Variants in ATRNL1 observed in about 807,000 individuals in gnomAD.
ATRNL1 encodes attractin-like protein 1.
ATRNL1 carries 95 observed loss-of-function variants against 182.7 expected under a neutral mutation model. The observed-to-expected ratio is 0.52, with a 90% CI of 0.44 to 0.62. ATRNL1 has a LOEUF of 0.62. Ranked by LOEUF, ATRNL1 falls within the 20% of genes least tolerant of loss-of-function variation. The pLI is 0.00. For missense variants in ATRNL1, 1,471 were observed against 1,679.5 expected (o/e 0.88, Z 2.17); for synonymous variants, 576 against 568.3 (o/e 1.01, Z -0.19).
chr10:115,776,468 T>A (rs1949128523), intron 27 of ATRNL1, among the ~76,000 whole-genome samples: 1 of 152,206 alleles, frequency 6.6e-6, no homozygotes, highest in South Asian at 2.1e-4. Flanking sequence ...AGGTGGGGTC[T>A]AGGTCTCTTC....
intron 27 of ATRNL1, among the ~76,000 whole-genome samples, chr10:115,801,605 T>C (rs1949794041): frequency 7.2e-6 from 1 of 138,276 alleles, no homozygotes; most frequent in Admixed American, 7.1e-5. Context: ...TTTGGGACTG[T>C]ATTGGTTGCA....
intron 19 of ATRNL1, among the ~76,000 whole-genome samples, chr10:115,376,862 G>T (rs1249716570): frequency 6.6e-6 from 1 of 152,056 alleles, no homozygotes; most frequent in African/African-American, 2.4e-5. Flanking sequence ...TTTTATGTTT[G>T]ATGGTGTCAC....
chr10:115,459,911 G>C (rs889884582), intron 21 of ATRNL1, among the ~76,000 whole-genome samples: 6 of 152,046 alleles, frequency 3.9e-5, no homozygotes. Flanking sequence ...GCCAGCCGAC[G>C]CTTAGGAAAA....
chr10:115,761,216 T>G (rs1948728281), intron 27 of ATRNL1, among the ~76,000 whole-genome samples: 1 of 152,216 alleles, frequency 6.6e-6, no homozygotes, highest in African/African-American at 2.4e-5. Flanking sequence ...TTATGTGAAG[T>G]GCTTGGAATT....
At chr10:115,257,730 T>C (rs1554907456) in intron 10 of ATRNL1, among the ~76,000 whole-genome samples, 1 of 152,238 alleles carries the variant, frequency 6.6e-6, no homozygotes, top group African/African-American at 2.4e-5. Context: ...TAGCATGTTT[T>C]TGCAATGGCT....
At chr10:115,394,780 T>G (rs781911353) in intron 20 of ATRNL1, 28 bp downstream of exon 20, 50 of 1,503,164 alleles carry the variant, frequency 3.3e-5, no homozygotes, top group Non-Finnish European at 4.3e-5. Context: ...TTTAGAACTT[T>G]CGTGGATTGA....
At chr10:115,581,331 T>G (rs144136961) in intron 26 of ATRNL1, among the ~76,000 whole-genome samples, 1 of 152,172 alleles carries the variant, frequency 6.6e-6, no homozygotes, top group African/African-American at 2.4e-5. Flanking sequence ...TTGAGATGCA[T>G]CTGGAAAATT....
chr10:115,248,305 A>G (rs1850730434), intron 10 of ATRNL1, among the ~76,000 whole-genome samples: 1 of 152,292 alleles, frequency 6.6e-6, no homozygotes, highest in African/African-American at 2.4e-5. Context: ...ATTATTTCTC[A>G]GTAAAAAATG....
At chr10:115,505,502 A>G in intron 24 of ATRNL1, among the ~76,000 whole-genome samples, 1 of 152,082 alleles carries the variant, frequency 6.6e-6, no homozygotes, top group South Asian at 2.1e-4. Flanking sequence ...ATAAAAAGCA[A>G]ACAAACAAAC....
intron 26 of ATRNL1, among the ~76,000 whole-genome samples, chr10:115,704,211 T>C (rs1483600636): frequency 6.6e-6 from 1 of 151,966 alleles, no homozygotes; most frequent in Non-Finnish European, 1.5e-5. Flanking sequence ...TGCCTCTTCC[T>C]AGCTTCTGGT....
At chr10:115,362,665 C>T (rs1372527333) in intron 19 of ATRNL1, among the ~76,000 whole-genome samples, 1 of 152,036 alleles carries the variant, frequency 6.6e-6, no homozygotes. Flanking sequence ...TGCTATCCCT[C>T]CCACCTCCTC....
rs368453317 is a variant in ATRNL1 at position 115,413,384 on chromosome 10, A to T, written c.3270-12866A>T. ...AGGACGTGACATTAATGAAAATAAA[A>T]ATTTGTTTATTCTTGCCTAATCTTA... On this transcript the variant is annotated intron_variant, in intron 20 of 28. Transcript: ENST00000355044. Among the ~76,000 whole-genome samples the T allele has an allele frequency of 2.1e-4, 32 of 152,196 alleles. No individual in the cohort carries two copies. The South Asian group carries it at 6.6e-3, about 32-fold the overall frequency.
chr10:115,751,947 A>T (rs1948460430), intron 27 of ATRNL1, among the ~76,000 whole-genome samples: 1 of 152,032 alleles, frequency 6.6e-6, no homozygotes, highest in Admixed American at 6.6e-5. Context: ...TGAAGGAAAT[A>T]GGGATGGTAG....
At chr10:115,802,345 T>C (rs530124258) in intron 27 of ATRNL1, among the ~76,000 whole-genome samples, 150 of 152,280 alleles carry the variant, frequency 9.9e-4, no homozygotes, top group Non-Finnish European at 1.8e-3. Flanking sequence ...AGGGAGGAAG[T>C]TTCTCCACTC....
At chr10:115,640,242 G>C (rs1024122354) in intron 26 of ATRNL1, among the ~76,000 whole-genome samples, 2 of 152,178 alleles carry the variant, frequency 1.3e-5, no homozygotes, top group Non-Finnish European at 2.9e-5. Flanking sequence ...ACATATATGT[G>C]CATGTGTCTT....
intron 26 of ATRNL1, among the ~76,000 whole-genome samples, chr10:115,663,801 G>T (rs1860842214): frequency 6.6e-6 from 1 of 152,058 alleles, no homozygotes; most frequent in Non-Finnish European, 1.5e-5. Context: ...TAGGATTAAG[G>T]TTCCTCTAAA....
intron 9 of ATRNL1, among the ~76,000 whole-genome samples, chr10:115,224,924 GT>G (rs1190998982): frequency 6.6e-6 from 1 of 151,998 alleles, no homozygotes; most frequent in Non-Finnish European, 1.5e-5. Flanking sequence ...CACTTTACTG[GT>G]GAATTTTCCC....
At chr10:115,793,940 G>A (rs1188401298) in intron 27 of ATRNL1, among the ~76,000 whole-genome samples, 1 of 152,088 alleles carries the variant, frequency 6.6e-6, no homozygotes, top group Non-Finnish European at 1.5e-5. Context: ...TGATTTTATG[G>A]TATGTGAATT....
At chr10:115,223,711 A>T (rs549907417) in intron 9 of ATRNL1, among the ~76,000 whole-genome samples, 21 of 151,836 alleles carry the variant, frequency 1.4e-4, no homozygotes, top group African/African-American at 4.8e-4. Flanking sequence ...CCCGGAATTT[A>T]CTATATTCTG....
Sources: gnomAD v4.1 joint callset for allele counts (sites outside exome capture counted in the v4.1 genomes callset) on GRCh38, gnomAD v4.1.1 for gene constraint, MANE v1.5 for transcripts, NCBI Gene and HGNC (gene_info 2026-07-23, HGNC 2026-07-21) for gene names.